Variants in HAPSTR1 observed in about 807,000 individuals in gnomAD.
The protein encoded by HAPSTR1 is HUWE1 associated protein modifying stress responses.
At chr16:9,107,961 G>T in the HAPSTR1 span, 3 of 152,038 alleles carry the variant, frequency 2.0e-5, no homozygotes, top group Non-Finnish European at 4.4e-5. Context: ...TCTGCTAAGT[G>T]AATACAACAC....
chr16:9,091,781 G>T, the HAPSTR1 span: 2 of 395,032 alleles, frequency 5.1e-6, no homozygotes, highest in Non-Finnish European at 8.9e-6. Flanking sequence ...GGCGAGGGGC[G>T]GCAGCGGTTA....
chr16:9,117,169 A>G, the HAPSTR1 span: 1 of 469,454 alleles, frequency 2.1e-6, no homozygotes. Context: ...TCATAGGCAA[A>G]CATATATCCG....
At chr16:9,108,616 AAATT>A in the HAPSTR1 span, 2 of 152,186 alleles carry the variant, frequency 1.3e-5, no homozygotes, top group Admixed American at 6.5e-5. Context: ...TTTCTTCTCA[AAATT>A]AATCAGAAAC....
At chr16:9,115,727 C>T in the HAPSTR1 span, among the ~76,000 whole-genome samples, 2 of 152,102 alleles carry the variant, frequency 1.3e-5, no homozygotes, top group African/African-American at 4.8e-5. Flanking sequence ...CGATTCTCCT[C>T]CTTAGCCTCC....
chr16:9,102,322 C>T, the HAPSTR1 span, among the ~76,000 whole-genome samples: 1 of 151,940 alleles, frequency 6.6e-6, no homozygotes, highest in South Asian at 2.1e-4. Flanking sequence ...CTAAATGAAA[C>T]CACTAAAAGG....
the HAPSTR1 span, chr16:9,118,972 T>C: frequency 5.9e-5 from 9 of 152,656 alleles, no homozygotes; most frequent in Non-Finnish European, 8.8e-5. Context: ...TTGTCAAATT[T>C]TGATAAAACG....
At chr16:9,100,431 T>A in the HAPSTR1 span, among the ~76,000 whole-genome samples, 1,517 of 152,078 alleles carry the variant, frequency 1.0e-2, 17 homozygotes, top group Non-Finnish European at 0.017. Flanking sequence ...TTTTTTTTTT[T>A]AAACACCTCA....
chr16:9,092,374 G>C, the HAPSTR1 span: 12 of 1,071,632 alleles, frequency 1.1e-5, no homozygotes, highest in Non-Finnish European at 1.2e-5. Context: ...CGACGGCGGC[G>C]GCCTCGGGGA....
the HAPSTR1 span, among the ~76,000 whole-genome samples, chr16:9,093,260 C>G: frequency 2.6e-5 from 4 of 152,198 alleles, no homozygotes; most frequent in African/African-American, 9.6e-5. Context: ...GTTGGGCACC[C>G]AGTGTATAGA....
At chr16:9,100,562 C>G in the HAPSTR1 span, among the ~76,000 whole-genome samples, 1 of 151,708 alleles carries the variant, frequency 6.6e-6, no homozygotes, top group Non-Finnish European at 1.5e-5. Context: ...GAGAGAGAGT[C>G]TTACTCTTTC....
At chr16:9,099,816 T>C in the HAPSTR1 span, among the ~76,000 whole-genome samples, 7 of 152,170 alleles carry the variant, frequency 4.6e-5, no homozygotes, top group African/African-American at 1.7e-4. Context: ...TAAAATGTAG[T>C]CATGCCTAAG....
At chr16:9,095,635 TCAGGATTGA>T in the HAPSTR1 span, among the ~76,000 whole-genome samples, 1 of 151,738 alleles carries the variant, frequency 6.6e-6, no homozygotes, top group Non-Finnish European at 1.5e-5. Flanking sequence ...ATTAAGAAGG[TCAGGATTGA>T]GATTAAAAAC....
At chr16:9,116,624 G>T in the HAPSTR1 span, 1 of 1,595,998 alleles carries the variant, frequency 6.3e-7, no homozygotes, top group East Asian at 2.2e-5. Context: ...TTTCAAAAGG[G>T]TTACATAATT....
At chr16:9,115,370 A>G in the HAPSTR1 span, among the ~76,000 whole-genome samples, 3 of 152,196 alleles carry the variant, frequency 2.0e-5, no homozygotes, top group Non-Finnish European at 4.4e-5. Flanking sequence ...ATTGATAGTC[A>G]AGCAATAACA....
the HAPSTR1 span, chr16:9,103,099 A>G: frequency 6.2e-7 from 1 of 1,614,224 alleles, no homozygotes; most frequent in Non-Finnish European, 8.5e-7. Flanking sequence ...TTCGTCGAGA[A>G]GATTTGATCA....
chr16:9,103,103 T>C, the HAPSTR1 span: 3 of 1,614,078 alleles, frequency 1.9e-6, no homozygotes, highest in African/African-American at 4.0e-5. Flanking sequence ...TCGAGAAGAT[T>C]TGATCAGCTT....
chr16:9,112,258 A>G, the HAPSTR1 span: 29 of 152,342 alleles, frequency 1.9e-4, no homozygotes, highest in African/African-American at 6.7e-4. Flanking sequence ...ACTTTGTGCA[A>G]AAGGAGTGCT....
the HAPSTR1 span, chr16:9,106,687 T>C: frequency 2.6e-5 from 4 of 152,126 alleles, no homozygotes; most frequent in Non-Finnish European, 4.4e-5. Flanking sequence ...TTGCTTTTTT[T>C]CCTGTGTCCT....
chr16:9,098,088 T>G, the HAPSTR1 span, among the ~76,000 whole-genome samples: 1 of 152,172 alleles, frequency 6.6e-6, no homozygotes, highest in Admixed American at 6.5e-5. Context: ...CCTAGCACTT[T>G]GGGAGGCTGA....
Sources: gnomAD v4.1 joint callset for allele counts (sites outside exome capture counted in the v4.1 genomes callset) on GRCh38, gnomAD v4.1.1 for gene constraint, MANE v1.5 for transcripts, NCBI Gene and HGNC (gene_info 2026-07-23, HGNC 2026-07-21) for gene names.